NAV1: variants seen among roughly 807,000 people sequenced by gnomAD.
NAV1 encodes the protein neuron navigator 1.
In NAV1, 18 loss-of-function variants were observed where a neutral mutation model predicts 175.2. The ratio of observed to expected loss-of-function variants is 0.10; its 90% CI spans 0.07 to 0.15. The LOEUF is 0.15. Ranked by LOEUF, NAV1 falls within the 10% of genes least tolerant of loss-of-function variation. The pLI, the probability that NAV1 is intolerant of heterozygous loss-of-function variation, is 1.00. For missense variants in NAV1, 1,731 were observed against 2,436.6 expected (o/e 0.71, Z 6.10); for synonymous variants, 897 against 978.7 (o/e 0.92, Z 1.56).
At chr1:201,687,141 G>A (rs1228681908) in intron 1 of NAV1, among the ~76,000 whole-genome samples, 1 of 152,226 alleles carries the variant, frequency 6.6e-6, no homozygotes, top group African/African-American at 2.4e-5. Flanking sequence ...ACAACATGGA[G>A]TGACTAACTA....
intron 3 of NAV1, among the ~76,000 whole-genome samples, chr1:201,766,252 G>C (rs186968050): frequency 6.6e-6 from 1 of 152,054 alleles, no homozygotes. Context: ...CTCACTCTGC[G>C]ATTCATCCTT....
At chr1:201,634,218 A>G (rs1472915294) in intron 2 of NAV1, among the ~76,000 whole-genome samples, 2 of 152,224 alleles carry the variant, frequency 1.3e-5, no homozygotes, top group African/African-American at 2.4e-5. Flanking sequence ...AATTAAATGC[A>G]TGGATATTGG....
exon 30 of NAV1, chr1:201,826,305 T>TA (rs1451156749): frequency 1.3e-5 from 2 of 152,212 alleles, no homozygotes; most frequent in Non-Finnish European, 2.9e-5. Context: ...GCCATTTCTC[T>TA]ATGCCTGAAG....
At chr1:201,688,592 C>G (rs1670775540) in intron 1 of NAV1, among the ~76,000 whole-genome samples, 1 of 152,126 alleles carries the variant, frequency 6.6e-6, no homozygotes, top group Non-Finnish European at 1.5e-5. Context: ...TTTTTGCGGG[C>G]TTTTCATTCA....
At chr1:201,675,237 C>T (rs550248390) in intron 1 of NAV1, among the ~76,000 whole-genome samples, 2 of 152,154 alleles carry the variant, frequency 1.3e-5, no homozygotes, top group Non-Finnish European at 2.9e-5. Flanking sequence ...CCTCCATTTC[C>T]TTGGTGAATG....
intron 29 of NAV1, among the ~76,000 whole-genome samples, chr1:201,818,513 A>G (rs1294173761): frequency 6.7e-6 from 1 of 149,306 alleles, no homozygotes; most frequent in Non-Finnish European, 1.5e-5. Flanking sequence ...CTGGCGACAG[A>G]GCGAGACTCC....
At chr1:201,648,850 C>T (rs1296617458) in exon 1 of NAV1, 2 of 1,610,818 alleles carry the variant, frequency 1.2e-6, no homozygotes, top group Middle Eastern at 1.7e-4. Context: ...AAGGCCAGCG[C>T]GGCTGAGCTG....
At chr1:201,809,103 G>C in intron 20 of NAV1, 61 bp from the exon 25 acceptor site, 1 of 1,518,362 alleles carries the variant, frequency 6.6e-7, no homozygotes, top group Admixed American at 1.7e-5. Context: ...ATAATGATGG[G>C]AAAGTTTAGG....
chr1:201,797,869 A>G (rs1313886309), intron 15 of NAV1: 7 of 152,216 alleles, frequency 4.6e-5, no homozygotes, highest in Admixed American at 3.9e-4. Context: ...TATCAGCTCA[A>G]TTGGTTTTAC....
intron 1 of NAV1, among the ~76,000 whole-genome samples, chr1:201,703,620 A>G (rs757448538): frequency 1.3e-5 from 2 of 152,322 alleles, no homozygotes; most frequent in Admixed American, 1.3e-4. Context: ...GCTAAATATT[A>G]GTGGCTGTGG....
rs1678087467 is a variant in NAV1, at chr1:201,803,724, G to T, written c.3639+10G>T. On this transcript the variant is annotated intron_variant, in intron 16 of 29. Coordinates refer to ENST00000367296, the Ensembl canonical transcript of NAV1. ...GAAAAAAAAGAGTTGGGTAGGTAAA[G>T]GTTTGGGGGGTGGGAAGTAGGTAGA... The T allele has an allele frequency of 1.4e-6, 2 of 1,464,554 alleles. No homozygotes were observed. The highest frequency in any genetic ancestry group is 1.2e-5 in the South Asian group (1 of 85,754). 90.7% of individuals were successfully genotyped at this position (1,464,554 alleles called of 1,614,324 possible).
chr1:201,575,587 T>C (rs2102182085), intron 1 of NAV1, among the ~76,000 whole-genome samples: 1 of 152,268 alleles, frequency 6.6e-6, no homozygotes, highest in Admixed American at 6.5e-5. Context: ...CCCAGTCTGT[T>C]GGAGGAAATG....
chr1:201,622,749 G>A, upstream of NAV1: 2 of 865,110 alleles, frequency 2.3e-6, no homozygotes, highest in Middle Eastern at 5.8e-4. Flanking sequence ...CCCAGTCTGG[G>A]TGCTCGAGCC....
chr1:201,649,569 G>A, intron 1 of NAV1, 144 bp downstream of exon 5: 2 of 1,340,394 alleles, frequency 1.5e-6, no homozygotes, highest in South Asian at 1.6e-5. Context: ...TGGGCATTGC[G>A]CCCAGATGTG....
At position 201,782,072 on chromosome 1, in the gene NAV1, AATAC is replaced by A; in HGVS notation, c.1664-101_1664-98del. ...CAAATTTAGGCCTCTAAAAGTCTAC[AATAC>A]ATGGACAATGTTCCCTTCTCCCATG... is the stretch of plus-strand genomic sequence containing the variant. On this transcript the variant is annotated intron_variant, in intron 5 of 29. Coordinates refer to ENST00000367296, the Ensembl canonical transcript of NAV1. This position sits in a 1 kb window ranked among gnomAD's most constrained non-coding sequence, Gnocchi z 5.4. 1 of 1,053,980 alleles carries A rather than the reference AATAC, an allele frequency of 9.5e-7. No individual in the cohort carries two copies. Among genetic ancestry groups the A allele is most frequent in the South Asian group, 1.6e-5 (1 of 61,094 alleles). The allele number at this position is 1,053,980 out of a possible 1,614,324, so 65.3% of individuals were successfully genotyped here.
chr1:201,632,713 G>A (rs536703956), intron 2 of NAV1, among the ~76,000 whole-genome samples: 29 of 152,194 alleles, frequency 1.9e-4, no homozygotes, highest in Non-Finnish European at 3.7e-4. Context: ...TCAGGAAAAA[G>A]CCAGAGCCTC....
At chr1:201,643,359 C>G (rs1296863830), upstream of NAV1, among the ~76,000 whole-genome samples, 1 of 142,676 alleles carries the variant, frequency 7.0e-6, no homozygotes, top group Admixed American at 7.4e-5. Context: ...TTTCTTCCCT[C>G]TCTTCTTTCT....
chr1:201,654,873 A>G (rs1443038455), intron 1 of NAV1, among the ~76,000 whole-genome samples: 2 of 152,142 alleles, frequency 1.3e-5, no homozygotes, highest in South Asian at 2.1e-4. Context: ...AGCACTCATT[A>G]TTAGATAGAT....
exon 1 of NAV1, chr1:201,622,934 C>T: frequency 1.0e-6 from 1 of 986,582 alleles, no homozygotes; most frequent in Non-Finnish European, 1.2e-6. Context: ...CACTACGCCT[C>T]CGCCATCCCG....
Sources: gnomAD v4.1 joint callset for allele counts (sites outside exome capture counted in the v4.1 genomes callset) on GRCh38, gnomAD v4.1.1 for gene constraint, Gnocchi (gnomAD v3.1) non-coding constraint, MANE v1.5 for transcripts, NCBI Gene and HGNC (gene_info 2026-07-23, HGNC 2026-07-21) for gene names.